TBC1D22B: variants seen among roughly 807,000 people sequenced by gnomAD.
TBC1D22B encodes TBC1 domain family member 22B, also known as chromosome 6 open reading frame 197.
In TBC1D22B, 32 loss-of-function variants were observed where a neutral mutation model predicts 69.1. That is an observed-to-expected ratio of 0.46 (90% CI 0.35 to 0.62). The LOEUF (loss-of-function observed/expected upper bound fraction) is 0.62. Among genes scored for constraint, TBC1D22B ranks in the 20% least tolerant of loss-of-function variants. The pLI is 0.00. For synonymous variants in TBC1D22B, 206 were observed against 229.8 expected, an observed-to-expected ratio of 0.90 and a Z score of 0.94; for missense variants, 462 against 630.9, an observed-to-expected ratio of 0.73 and a Z score of 2.87.
rs183963978 is a variant in TBC1D22B, at chr6:37,265,146, C to T, written c.57-4448C>T. Among the ~76,000 whole-genome samples, 4 of 152,292 alleles carry T rather than the reference C, an allele frequency of 2.6e-5. No homozygotes were observed. In the East Asian group the frequency reaches 5.8e-4, roughly 22 times the overall value. On this transcript the variant is annotated intron_variant, in intron 1 of 12. Transcript: ENST00000373491. ...ATATGTTAACAAATTCAATTTGGGC[C>T]CTGATACCTTTGCTGATGAAGTCCA...
Position 37,331,378 on chromosome 6 carries a change from G to A in TBC1D22B, c.*206G>A, listed in dbSNP as rs920274249. 2.0e-5 allele frequency: 11 copies of A among 538,880 alleles called. No individual in the cohort carries two copies. The highest frequency in any genetic ancestry group is 9.5e-5 in the African/African-American group (5 of 52,478). The allele number at this position is 538,880 out of a possible 1,614,324, so 33.4% of individuals were successfully genotyped here. A position where few individuals can be genotyped will look rare whatever the true frequency, so the allele number is the denominator to read the frequency against. On this transcript the variant is annotated 3_prime_UTR_variant, in exon 13 of 13. Coordinates refer to ENST00000373491, the MANE Select transcript of TBC1D22B (RefSeq NM_017772.4). ...GACCACTGTCAGTATTCCATGCCGC[G>A]TGGATGGGCCCAGTTCTGGGAGAGG...
chr6:37,258,641 C>T (rs1030812668), intron 1 of TBC1D22B, among the ~76,000 whole-genome samples: 2 of 152,176 alleles, frequency 1.3e-5, no homozygotes, highest in African/African-American at 4.8e-5. Context: ...TGTGCAAATG[C>T]ACTAAATTCG....
chr6:37,310,288 A>G (rs947364202), intron 8 of TBC1D22B, among the ~76,000 whole-genome samples: 20 of 151,286 alleles, frequency 1.3e-4, no homozygotes, highest in African/African-American at 4.6e-4. Flanking sequence ...CAATAAAAGA[A>G]TAAAAGGAAT....
chr6:37,277,113 T>G (rs1355817936), intron 2 of TBC1D22B, among the ~76,000 whole-genome samples: 1 of 152,132 alleles, frequency 6.6e-6, no homozygotes, highest in Non-Finnish European at 1.5e-5. Context: ...TCACCCTGTG[T>G]TAGGCCACCA....
intron 3 of TBC1D22B, 64 bp downstream of exon 3, chr6:37,279,675 C>A: frequency 6.6e-7 from 1 of 1,504,766 alleles, no homozygotes; most frequent in South Asian, 1.3e-5. Flanking sequence ...TAAATAAAAG[C>A]GATTTTTCTT....
intron 8 of TBC1D22B, among the ~76,000 whole-genome samples, chr6:37,309,507 T>G (rs911419092): frequency 1.3e-5 from 2 of 151,982 alleles, no homozygotes; most frequent in Admixed American, 6.6e-5. Flanking sequence ...GTAGGAGGAG[T>G]TGGGGTGGTT....
intron 1 of TBC1D22B, among the ~76,000 whole-genome samples, chr6:37,260,874 G>T (rs1178435139): frequency 1.3e-5 from 2 of 152,014 alleles, no homozygotes; most frequent in African/African-American, 2.4e-5. Context: ...ACCACATTTT[G>T]TTCATTCATC....
chr6:37,287,321 C>G (rs1458282351), intron 7 of TBC1D22B, among the ~76,000 whole-genome samples: 1 of 152,214 alleles, frequency 6.6e-6, no homozygotes, highest in Non-Finnish European at 1.5e-5. Context: ...GAACCCACAT[C>G]TTAGAATTCC....
intron 8 of TBC1D22B, among the ~76,000 whole-genome samples, chr6:37,310,684 T>TG (rs1411851610): frequency 6.6e-6 from 1 of 152,132 alleles, no homozygotes; most frequent in Admixed American, 6.6e-5. Context: ...AAAAATAAAA[T>TG]GTGATTTCTC....
At chr6:37,328,808 C>A (rs1044320849) in intron 12 of TBC1D22B, among the ~76,000 whole-genome samples, 17 of 151,960 alleles carry the variant, frequency 1.1e-4, no homozygotes, top group African/African-American at 3.6e-4. Flanking sequence ...CTCACTGCAA[C>A]CTCCGCCTCC....
At chr6:37,298,307 A>G (rs546953091) in intron 8 of TBC1D22B, among the ~76,000 whole-genome samples, 5 of 152,302 alleles carry the variant, frequency 3.3e-5, no homozygotes, top group Middle Eastern at 3.4e-3. Flanking sequence ...TTTCCTATGT[A>G]TGGATGGAGC....
intron 2 of TBC1D22B, among the ~76,000 whole-genome samples, chr6:37,279,067 A>G (rs1766747687): frequency 6.6e-6 from 1 of 152,200 alleles, no homozygotes; most frequent in Admixed American, 6.5e-5. Context: ...GCCAGGAAGT[A>G]TACAAGAGCA....
intron 1 of TBC1D22B, among the ~76,000 whole-genome samples, chr6:37,264,226 T>C (rs978569486): frequency 5.3e-5 from 8 of 152,098 alleles, no homozygotes; most frequent in African/African-American, 1.4e-4. Flanking sequence ...AATAAAAATA[T>C]AAAAATGAGT....
rs1298622717 is a variant in TBC1D22B, at chr6:37,267,346, TATATACACACATATATA to T, written c.57-2242_57-2226del. 8.1e-3 allele frequency among the ~76,000 whole-genome samples: 1,049 copies of T among 129,110 alleles called. 35 individuals are homozygous for T. The highest frequency in any genetic ancestry group is 0.032 in the African/African-American group (899 of 28,206). The allele number at this position is 129,110 out of a possible 152,430, so 84.7% of individuals were successfully genotyped here. ...TATACACACACACATATATAATATA[TATATACACACATATATA>T]ATATATATACACACATATATAATAT... On this transcript the variant is annotated intron_variant, in intron 1 of 12. Coordinates refer to ENST00000373491, the MANE Select transcript of TBC1D22B (RefSeq NM_017772.4).
In TBC1D22B at chr6:37,324,024, G is replaced by T. The variant is rs187379261; in HGVS notation, c.1389+6818G>T. Among the ~76,000 whole-genome samples the T allele has an allele frequency of 1.3e-3, 193 of 152,330 alleles. 2 individuals carry two copies. Among genetic ancestry groups the T allele is most frequent in the South Asian group, 0.011 (54 of 4,834 alleles). Reference sequence around the variant, plus strand: ...TATCATAGGGACATGTTTTTGAAAAGTTGTATAGGGACCAGAGGAAATGTT... The same window carrying T: ...TATCATAGGGACATGTTTTTGAAAATTTGTATAGGGACCAGAGGAAATGTT... On this transcript the variant is annotated intron_variant, in intron 12 of 12. Transcript: ENST00000373491.
intron 8 of TBC1D22B, among the ~76,000 whole-genome samples, chr6:37,311,272 T>C (rs1014043849): frequency 2.0e-5 from 3 of 151,852 alleles, no homozygotes; most frequent in Non-Finnish European, 2.9e-5. Flanking sequence ...TTTTTCAGCC[T>C]TGATGTTCAT....
chr6:37,295,693 G>A (rs1187525869), intron 8 of TBC1D22B: 1 of 385,516 alleles, frequency 2.6e-6, no homozygotes, highest in African/African-American at 2.1e-5. Flanking sequence ...TTTAATTCCT[G>A]GCTCCTCTCC....
chr6:37,288,953 A>G (rs1443513940), intron 7 of TBC1D22B, among the ~76,000 whole-genome samples: 1 of 152,032 alleles, frequency 6.6e-6, no homozygotes, highest in Non-Finnish European at 1.5e-5. Context: ...CAGTGGCATG[A>G]TCATAGCTCA....
chr6:37,286,868 C>G, intron 6 of TBC1D22B, 139 bp from the exon 7 acceptor site: 1 of 673,406 alleles, frequency 1.5e-6, no homozygotes, highest in South Asian at 1.8e-5. Context: ...CGCTTGAACC[C>G]TGGAGGCAGA....
Sources: gnomAD v4.1 joint callset for allele counts (sites outside exome capture counted in the v4.1 genomes callset) on GRCh38, gnomAD v4.1.1 for gene constraint, MANE v1.5 for transcripts, NCBI Gene and HGNC (gene_info 2026-07-23, HGNC 2026-07-21) for gene names.